The following SGCZ variants were observed in gnomAD, a reference collection of about 807,000 sequenced individuals.
SGCZ encodes the protein zeta-sarcoglycan.
Under a neutral mutation model 41.3 loss-of-function variants are expected in SGCZ, and 40 were observed. The ratio of observed to expected loss-of-function variants is 0.97; its 90% CI spans 0.75 to 1.26. The LOEUF (loss-of-function observed/expected upper bound fraction) is 1.26, where lower values mean the gene tolerates loss of function less well. Ranked by LOEUF, SGCZ falls within the 50% of genes most tolerant of loss-of-function variation. SGCZ has a pLI of 0.00. For synonymous variants in SGCZ, 206 were observed against 137.5 expected (o/e 1.50, Z -3.49); for missense variants, 552 against 369.8 (o/e 1.49, Z -4.04).
intron 1 of SGCZ, among the ~76,000 whole-genome samples, chr8:14,563,458 C>T (rs1026149948): frequency 3.3e-5 from 5 of 152,092 alleles, no homozygotes; most frequent in Admixed American, 6.6e-5. Flanking sequence ...TAAGACAATT[C>T]GTTTAAGTTG....
At chr8:14,790,329 A>G (rs573664600) in intron 1 of SGCZ, among the ~76,000 whole-genome samples, 53 of 152,348 alleles carry the variant, frequency 3.5e-4, no homozygotes, top group African/African-American at 1.3e-3. Context: ...TTTGTAACAT[A>G]TAATTAAAAA....
chr8:14,606,664 C>A (rs1246388887), intron 1 of SGCZ, among the ~76,000 whole-genome samples: 1 of 152,152 alleles, frequency 6.6e-6, no homozygotes, highest in East Asian at 1.9e-4. Context: ...ACTAGACTAA[C>A]ATTCTGAAAT....
chr8:15,001,644 G>A (rs1380925763), intron 1 of SGCZ, among the ~76,000 whole-genome samples: 1 of 150,550 alleles, frequency 6.6e-6, no homozygotes, highest in Non-Finnish European at 1.5e-5. Context: ...GAGGAGAATG[G>A]CGTGAACCCA....
chr8:14,173,186 GACA>G (rs1285647541), intron 4 of SGCZ, among the ~76,000 whole-genome samples: 1 of 151,554 alleles, frequency 6.6e-6, no homozygotes, highest in Non-Finnish European at 1.5e-5. Context: ...TTTTAAGAGA[GACA>G]ACAACGTTTA....
intron 1 of SGCZ, among the ~76,000 whole-genome samples, chr8:15,012,329 G>A (rs1207272603): frequency 2.0e-5 from 3 of 151,334 alleles, no homozygotes; most frequent in Non-Finnish European, 4.4e-5. Context: ...ATGATGTGGT[G>A]ACATATGCCT....
At chr8:15,061,093 G>C (rs895997315) in intron 1 of SGCZ, among the ~76,000 whole-genome samples, 2 of 149,902 alleles carry the variant, frequency 1.3e-5, no homozygotes, top group African/African-American at 4.9e-5. Context: ...CCAAAAATGA[G>C]AAATGTTATC....
intron 2 of SGCZ, among the ~76,000 whole-genome samples, chr8:14,350,863 T>A (rs546355056): frequency 4.6e-5 from 7 of 152,298 alleles, no homozygotes; most frequent in African/African-American, 1.7e-4. Flanking sequence ...CGTTTAAACA[T>A]ATTTTGCTGA....
chr8:14,966,897 T>A (rs891812007), intron 1 of SGCZ, among the ~76,000 whole-genome samples: 6 of 152,076 alleles, frequency 3.9e-5, no homozygotes, highest in African/African-American at 9.7e-5. Flanking sequence ...GAGGTCAAAG[T>A]TGAACAACTT....
At chr8:14,306,086 T>C (rs74989082) in intron 3 of SGCZ, among the ~76,000 whole-genome samples, 7,712 of 152,268 alleles carry the variant, frequency 0.051, 217 homozygotes, top group Middle Eastern at 0.11. Flanking sequence ...CTTGTGGTTT[T>C]AAGCTATTAA....
intron 7 of SGCZ, among the ~76,000 whole-genome samples, chr8:14,101,427 T>C (rs1456502942): frequency 6.6e-6 from 1 of 151,084 alleles, no homozygotes; most frequent in African/African-American, 2.5e-5. Context: ...AATGGGAATT[T>C]CCAGAATTGG....
chr8:14,373,580 G>C (rs1803990861), intron 2 of SGCZ, among the ~76,000 whole-genome samples: 1 of 152,044 alleles, frequency 6.6e-6, no homozygotes, highest in Admixed American at 6.6e-5. Flanking sequence ...ATTAAACAAA[G>C]TATAGTACCC....
rs1203378198 is a variant in SGCZ at position 14,212,727 on chromosome 8, T to C, written c.424+24865A>G. Among the ~76,000 whole-genome samples the C allele has an allele frequency of 2.6e-5, 4 of 152,078 alleles. No homozygotes were observed. In the East Asian group the frequency reaches 7.7e-4, roughly 29 times the overall value. On this transcript the variant is annotated intron_variant, in intron 4 of 7. Transcript: ENST00000382080. ...ACTTGGAAGAGAAAAGACAAACAAC[T>C]GAAGCCAACATTGAGATGAATTAGA... is the stretch of plus-strand genomic sequence containing the variant.
intron 5 of SGCZ, among the ~76,000 whole-genome samples, chr8:14,136,352 C>A (rs1245403656): frequency 1.3e-5 from 2 of 152,248 alleles, no homozygotes; most frequent in African/African-American, 4.8e-5. Context: ...TGGGGCATCA[C>A]CTTACACAGG....
At chr8:15,159,486 G>A (rs918294840) in intron 1 of SGCZ, among the ~76,000 whole-genome samples, 2 of 152,068 alleles carry the variant, frequency 1.3e-5, no homozygotes, top group Non-Finnish European at 2.9e-5. Flanking sequence ...GCAGTCTTGG[G>A]GACTGAGCCC....
intron 1 of SGCZ, among the ~76,000 whole-genome samples, chr8:14,703,929 C>A (rs1809248745): frequency 6.6e-6 from 1 of 152,078 alleles, no homozygotes; most frequent in African/African-American, 2.4e-5. Flanking sequence ...CAGGAATTTT[C>A]CCTCTAATTT....
chr8:14,835,703 C>G lies in SGCZ; in HGVS notation c.40-280777G>C, dbSNP rs1802676067. Among the ~76,000 whole-genome samples the G allele has an allele frequency of 2.0e-5, 3 of 152,158 alleles. 1 individual carries two copies. The highest frequency in any genetic ancestry group is 4.8e-5 in the African/African-American group (2 of 41,446). On this transcript the variant is annotated intron_variant, in intron 1 of 7. Coordinates refer to ENST00000382080, the MANE Select transcript of SGCZ (RefSeq NM_139167.4). Reference sequence around the variant, plus strand: ...GCGCTTTAGCCAATCTGTTCTTGGCCTAACAACAGAAGCACAGTGACTCTT... The same window carrying G: ...GCGCTTTAGCCAATCTGTTCTTGGCGTAACAACAGAAGCACAGTGACTCTT...
chr8:14,902,781 C>A (rs940022502), intron 1 of SGCZ, among the ~76,000 whole-genome samples: 1 of 152,150 alleles, frequency 6.6e-6, no homozygotes, highest in African/African-American at 2.4e-5. Flanking sequence ...CTGGGGAGGT[C>A]AGTTACCTTA....
chr8:15,049,376 A>C (rs1370001804), intron 1 of SGCZ, among the ~76,000 whole-genome samples: 1 of 152,168 alleles, frequency 6.6e-6, no homozygotes, highest in African/African-American at 2.4e-5. Flanking sequence ...GAGCAAGAGC[A>C]GGAAGAGATG....
chr8:14,851,821 T>C (rs947833310), intron 1 of SGCZ, among the ~76,000 whole-genome samples: 6 of 152,128 alleles, frequency 3.9e-5, no homozygotes, highest in Admixed American at 2.6e-4. Context: ...GGAAAGGATA[T>C]TGTGCCCATC....
Sources: allele counts gnomAD v4.1 joint callset (sites outside exome capture counted in the v4.1 genomes callset), GRCh38; gene constraint gnomAD v4.1.1; transcripts MANE v1.5; gene names NCBI Gene and HGNC (gene_info 2026-07-23, HGNC 2026-07-21).